PJVK: variants seen among roughly 807,000 people sequenced by gnomAD.
The protein encoded by PJVK is pejvakin, also known as autosomal recessive deafness type 59 protein.
Under a neutral mutation model 37.6 loss-of-function variants are expected in PJVK, and 33 were observed. The ratio of observed to expected loss-of-function variants is 0.88; its 90% CI spans 0.67 to 1.17. The LOEUF (loss-of-function observed/expected upper bound fraction) is 1.17, where lower values mean the gene tolerates loss of function less well. Among genes scored for constraint, PJVK ranks in the 50% most tolerant of loss-of-function variants. PJVK has a pLI of 0.00. For synonymous variants in PJVK, 141 were observed against 143.5 expected (o/e 0.98, Z 0.13); for missense variants, 410 against 413.8 (o/e 0.99, Z 0.08).
chr2:178,453,439 C>CA lies in PJVK; in HGVS notation c.32dup (p.Gln12AlafsTer16). 6.2e-7 allele frequency: 1 copy of CA among 1,614,100 alleles called. No homozygotes were observed. Among genetic ancestry groups the CA allele is most frequent in the East Asian group, 2.2e-5 (1 of 44,862 alleles). ...TTGCTGCTGCTACCAAGAGCTTTGT[C>CA]AAGCAAGTTGGAGATGGAGGGAGAT... On this transcript the variant is annotated frameshift_variant, in exon 2 of 7. Transcript: ENST00000644580. LOFTEE classifies it high-confidence loss of function.
chr2:178,451,800 G>A, intron 1 of PJVK, 31 bp downstream of exon 1: 2 of 985,458 alleles, frequency 2.0e-6, no homozygotes, highest in Non-Finnish European at 2.4e-6. Context: ...CACGTTAGGA[G>A]TAAACGAAGG....
At chr2:178,454,649 T>C in intron 3 of PJVK, 122 bp downstream of exon 3, 1 of 1,425,656 alleles carries the variant, frequency 7.0e-7, no homozygotes. Flanking sequence ...TTGCTAGATA[T>C]GTTTGAAATA....
chr2:178,456,906 A>T (rs972269279), intron 4 of PJVK, among the ~76,000 whole-genome samples: 72 of 152,336 alleles, frequency 4.7e-4, no homozygotes, highest in Non-Finnish European at 5.9e-5. Flanking sequence ...ATAAAAATTG[A>T]GTGCTTAAGT....
chr2:178,459,280 A>G (rs1165366023), intron 5 of PJVK: 7 of 468,362 alleles, frequency 1.5e-5, no homozygotes, highest in Non-Finnish European at 3.1e-5. Context: ...GTAATTTACA[A>G]ATGTTTTTAG....
Position 178,461,148 on chromosome 2 carries a change from C to T in PJVK, c.933C>T (p.Leu311=). The T allele has an allele frequency of 6.2e-7, 1 of 1,614,162 alleles. No homozygotes were observed. The highest frequency in any genetic ancestry group is 8.5e-7 in the Non-Finnish European group (1 of 1,180,032). Residue 311 remains leucine (L), a synonymous_variant, in exon 7 of 7, where the codon CTC becomes CTT. Transcript: ENST00000644580. ...NHNIPKGPCI[L]CGMGNFKRET... is the part of the protein sequence containing the mutation. Reference sequence around the variant, plus strand: ...ACATTCCCAAAGGGCCTTGCATACTCTGTGGAATGGGGAACTTCAAAAGGG... The same window carrying T: ...ACATTCCCAAAGGGCCTTGCATACTTTGTGGAATGGGGAACTTCAAAAGGG...
intron 1 of PJVK, 97 bp downstream of exon 1, chr2:178,451,866 C>T: frequency 1.0e-6 from 1 of 985,286 alleles, no homozygotes; most frequent in Non-Finnish European, 1.2e-6. Context: ...GATGCAGCAC[C>T]TTTGGTGGGC....
rs759427545 is a variant in PJVK, at chr2:178,460,464, T to G, written c.766+18T>G. ...TGAAAGAAGTATGTTTATTGAAGAGTACTGTGAATGTCTTTTTTTTTTCTT... is the reference window on the plus strand; with the variant it reads ...TGAAAGAAGTATGTTTATTGAAGAGGACTGTGAATGTCTTTTTTTTTTCTT... On this transcript the variant is annotated intron_variant, in intron 6 of 6. Coordinates refer to ENST00000644580, the MANE Select transcript of PJVK (RefSeq NM_001042702.5). 1 of 1,596,080 alleles carries G rather than the reference T, an allele frequency of 6.3e-7. No individual in the cohort carries two copies.
intron 4 of PJVK, 94 bp from the exon 5 acceptor site, chr2:178,458,416 T>C: frequency 9.2e-7 from 1 of 1,090,772 alleles, no homozygotes. Flanking sequence ...TTTTGTTTTG[T>C]TTTTGGTAGG....
In PJVK at chr2:178,454,359, A is replaced by T; in HGVS notation, c.239A>T (p.Tyr80Phe). The T allele has an allele frequency of 2.5e-6, 4 of 1,613,454 alleles. No homozygotes were observed. The highest frequency in any genetic ancestry group is 3.4e-6 in the Non-Finnish European group (4 of 1,179,710). Residue 80 changes from tyrosine to phenylalanine, a missense_variant, in exon 3 of 7, where the codon TAT (tyrosine) becomes TTT (phenylalanine). Tyr to Phe is a conservative substitution (Grantham distance 22). Transcript: ENST00000644580. ...ATTTCATCTTATCAATTACTGAATT[A>T]TGAAGATGAATCAGATGTTTCACTC... ...AGISSYQLLN[Y>F]EDESDVSLYG...
intron 4 of PJVK, 169 bp downstream of exon 4, chr2:178,456,320 A>C: frequency 1.2e-6 from 1 of 821,394 alleles, no homozygotes; most frequent in Non-Finnish European, 1.9e-6. Context: ...ATGAAAAAAA[A>C]AAACAAATCT....
At chr2:178,458,224 A>T (rs1449827410) in intron 4 of PJVK, among the ~76,000 whole-genome samples, 2 of 152,194 alleles carry the variant, frequency 1.3e-5, no homozygotes, top group African/African-American at 2.4e-5. Context: ...TAAAAAAAAA[A>T]AAAAGGCTTC....
At chr2:178,454,698 T>C (rs531840410) in intron 3 of PJVK, 171 bp downstream of exon 3, 82 of 1,501,816 alleles carry the variant, frequency 5.5e-5, no homozygotes, top group Non-Finnish European at 7.1e-5. Flanking sequence ...AGGATAGATA[T>C]CAAAAATCAC....
At position 178,460,624 on chromosome 2, in the gene PJVK, C is replaced by G. The variant is rs569153903; in HGVS notation, c.766+178C>G. On this transcript the variant is annotated intron_variant, in intron 6 of 6. Coordinates refer to ENST00000644580, the MANE Select transcript of PJVK (RefSeq NM_001042702.5). ...TTGGGAGGCCAGGGCAGGCAGATTG[C>G]TAGCACTCAGAAGTTTGAAACACTT... 1.5e-3 allele frequency among the ~76,000 whole-genome samples: 222 copies of G among 152,006 alleles called. 5 individuals are homozygous for G. The South Asian group carries it at 0.022, about 15-fold the overall frequency.
intron 2 of PJVK, 46 bp from the exon 3 acceptor site, chr2:178,454,286 C>T (rs1697908528): frequency 6.6e-7 from 1 of 1,505,382 alleles, no homozygotes; most frequent in African/African-American, 1.4e-5. Context: ...ATATAATCTA[C>T]ATAAGATAAA....
At position 178,451,392 on chromosome 2, in the gene PJVK, A is replaced by T. The variant is rs372648360; in HGVS notation, c.-400A>T. 5 of 311,536 alleles carry T rather than the reference A, an allele frequency of 1.6e-5. No homozygotes were observed. The South Asian group carries it at 2.1e-4, about 13-fold the overall frequency. The allele number at this position is 311,536 out of a possible 1,614,324, so 19.3% of individuals were successfully genotyped here. ...CTGCCGGCCCTGACCAGCCTGTAGT[A>T]ACTGGCCCCTAGGCCGCAGTTCTTT... On this transcript the variant is annotated 5_prime_UTR_variant, in exon 1 of 7. Coordinates refer to ENST00000644580, the MANE Select transcript of PJVK (RefSeq NM_001042702.5).
In PJVK at chr2:178,461,583, C is replaced by CG. The variant is rs1559373009; in HGVS notation, c.*309_*310insG. 8.5e-5 allele frequency among the ~76,000 whole-genome samples: 10 copies of CG among 117,198 alleles called. No individual in the cohort carries two copies. The highest frequency in any genetic ancestry group is 3.7e-4 in the African/African-American group (10 of 26,714). The allele number at this position is 117,198 out of a possible 152,430, so 76.9% of individuals were successfully genotyped here. A position where few individuals can be genotyped will look rare whatever the true frequency, so the allele number is the denominator to read the frequency against. On this transcript the variant is annotated 3_prime_UTR_variant, in exon 7 of 7. Transcript: ENST00000644580. ...GGATGTAGTCTATCATTTTAGTTCA[C>CG]CTTTTTTTTTTTTTTTTTTGAGACA...
intron 5 of PJVK, chr2:178,459,188 C>T (rs948319275): frequency 2.1e-6 from 1 of 472,112 alleles, no homozygotes; most frequent in African/African-American, 2.0e-5. Context: ...CTCTACATTT[C>T]ACAGGTCTTT....
At chr2:178,458,215 A>T (rs1470186257) in intron 4 of PJVK, among the ~76,000 whole-genome samples, 1 of 83,788 alleles carries the variant, frequency 1.2e-5, no homozygotes, top group South Asian at 4.1e-4. Flanking sequence ...ATTTCCTGTT[A>T]AAAAAAAAAA....
chr2:178,460,362 T>A lies in PJVK; in HGVS notation c.682T>A (p.Ser228Thr), dbSNP rs375351347. ...LDGAFDLCVT[S>T]VSKGGFEREE... ...TTTTTTTGTAGACCTTTGTGTCACT[T>A]CAGTGTCAAAAGGAGGATTTGAAAG... is the stretch of plus-strand genomic sequence containing the variant. The change falls in exon 6 of 7, where the codon TCA (serine) becomes ACA (threonine). Residue 228 changes from serine (S) to threonine (T), a missense_variant. Transcript: ENST00000644580. 6.2e-7 allele frequency: 1 copy of A among 1,614,016 alleles called. No individual in the cohort carries two copies. Among genetic ancestry groups the A allele is most frequent in the African/African-American group, 1.3e-5 (1 of 75,074 alleles).
Sources: allele counts gnomAD v4.1 joint callset (sites outside exome capture counted in the v4.1 genomes callset), GRCh38; gene constraint gnomAD v4.1.1; transcripts MANE v1.5; gene names NCBI Gene and HGNC (gene_info 2026-07-23, HGNC 2026-07-21).